The following ERCC4 variants were observed in gnomAD, a reference collection of about 807,000 sequenced individuals.
ERCC4 encodes ERCC excision repair 4, endonuclease catalytic subunit.
In ERCC4, 65 loss-of-function variants were observed where a neutral mutation model predicts 76.9. The observed-to-expected ratio is 0.84, with a 90% CI of 0.69 to 1.04. The LOEUF (loss-of-function observed/expected upper bound fraction) is 1.04, where lower values mean the gene tolerates loss of function less well. Among genes scored for constraint, ERCC4 ranks in the 50% least tolerant of loss-of-function variants. ERCC4 has a pLI of 0.00. For synonymous variants in ERCC4, 463 were observed against 410.1 expected, an observed-to-expected ratio of 1.13 and a Z score of -1.56; for missense variants, 1,214 against 1,128.2, an observed-to-expected ratio of 1.08 and a Z score of -1.09.
At chr16:13,943,085 AATAAT>A (rs1369749481) in intron 9 of ERCC4, among the ~76,000 whole-genome samples, 2 of 152,138 alleles carry the variant, frequency 1.3e-5, no homozygotes, top group Non-Finnish European at 2.9e-5. Flanking sequence ...AATTTGTACT[AATAAT>A]ATATTTGCAT....
rs113614955 is a variant in ERCC4, at chr16:13,922,920, T to C, written c.388+709T>C. The stretch of plus-strand genomic sequence containing the variant: ...GTTTTCTAAGCTCTTATTCAGTAAA[T>C]ACTTGCAATTCGTTAGCATTTGCTT... On this transcript the variant is annotated intron_variant, in intron 2 of 10. Coordinates refer to ENST00000311895, the MANE Select transcript of ERCC4 (RefSeq NM_005236.3). Among the ~76,000 whole-genome samples the C allele has an allele frequency of 7.5e-3, 1,140 of 152,350 alleles. 13 individuals are homozygous for C. The highest frequency in any genetic ancestry group is 0.024 in the African/African-American group (984 of 41,596).
At chr16:13,935,043 A>G in intron 7 of ERCC4, 103 bp from the exon 8 acceptor site, 2 of 892,122 alleles carry the variant, frequency 2.2e-6, no homozygotes, top group South Asian at 1.3e-5. Flanking sequence ...CTTTAATACC[A>G]AAGGGTAAGA....
intron 2 of ERCC4, among the ~76,000 whole-genome samples, chr16:13,925,106 A>G (rs1467410239): frequency 3.3e-5 from 5 of 152,226 alleles, no homozygotes; most frequent in Non-Finnish European, 5.9e-5. Context: ...CCTTGGTCTC[A>G]TCATGATACC....
intron 2 of ERCC4, among the ~76,000 whole-genome samples, chr16:13,924,734 T>C (rs1172545520): frequency 1.3e-5 from 2 of 152,218 alleles, no homozygotes; most frequent in African/African-American, 4.8e-5. Flanking sequence ...TGAAATGAAA[T>C]GCTTATATGT....
At chr16:13,938,257 C>T (rs950411678) in intron 9 of ERCC4, among the ~76,000 whole-genome samples, 1 of 152,074 alleles carries the variant, frequency 6.6e-6, no homozygotes. Context: ...GCTGCTTTAC[C>T]GTTTATTGGG....
chr16:13,946,442 T>C (rs562534524), intron 10 of ERCC4, among the ~76,000 whole-genome samples: 1 of 152,244 alleles, frequency 6.6e-6, no homozygotes, highest in African/African-American at 2.4e-5. Context: ...TATTTGTGTA[T>C]GTAAACACAT....
At chr16:13,923,819 C>T (rs1486916312) in intron 2 of ERCC4, among the ~76,000 whole-genome samples, 2 of 152,128 alleles carry the variant, frequency 1.3e-5, no homozygotes, top group Non-Finnish European at 2.9e-5. Flanking sequence ...CTGTTTGCTG[C>T]TTTCTTATAA....
In ERCC4 at chr16:13,947,661, C is replaced by A. The variant is rs149364215; in HGVS notation, c.2065C>A (p.Arg689Ser). 3 of 1,614,148 alleles carry A rather than the reference C, an allele frequency of 1.9e-6. No individual in the cohort carries two copies. Among genetic ancestry groups the A allele is most frequent in the Non-Finnish European group, 2.5e-6 (3 of 1,179,992 alleles). The change falls in exon 11 of 11, where the codon CGT becomes AGT. Residue 689 changes from arginine (R) to serine (S), a missense_variant. Arg to Ser is a moderately radical substitution (Grantham distance 110). Transcript: ENST00000311895. ...ACAGCAAAGCATAGTTGTGGATATG[C>A]GTGAATTTCGAAGTGAGCTTCCATC... ...GTQQSIVVDMREFRSELPSLI... is the reference protein window; with the variant it reads ...GTQQSIVVDMSEFRSELPSLI...
chr16:13,920,917 G>C (rs1016254343), intron 1 of ERCC4, among the ~76,000 whole-genome samples: 3 of 152,188 alleles, frequency 2.0e-5, no homozygotes, highest in Non-Finnish European at 4.4e-5. Context: ...GAAGGATGCA[G>C]GTCCCTGACA....
chr16:13,946,439 G>T (rs139265365), intron 10 of ERCC4, among the ~76,000 whole-genome samples: 1 of 152,194 alleles, frequency 6.6e-6, no homozygotes, highest in Admixed American at 6.5e-5. Flanking sequence ...AAGTATTTGT[G>T]TATGTAAACA....
chr16:13,937,964 G>GGA, intron 9 of ERCC4, 106 bp downstream of exon 9: 1 of 759,634 alleles, frequency 1.3e-6, no homozygotes. Flanking sequence ...GGAAGACGTT[G>GGA]GAGAGGATCA....
At position 13,935,311 on chromosome 16, in the gene ERCC4, A is replaced by T. The variant is rs761301503; in HGVS notation, c.1379A>T (p.Lys460Met). The T allele has an allele frequency of 1.3e-5, 21 of 1,614,002 alleles. No individual in the cohort carries two copies. Among genetic ancestry groups the T allele is most frequent in the Non-Finnish European group, 9.3e-6 (11 of 1,180,024 alleles). Residue 460 changes from lysine to methionine, a missense_variant, in exon 8 of 11, where the codon AAG becomes ATG. Physicochemically the swap from Lys to Met is moderately conservative, Grantham distance 95. Coordinates refer to ENST00000311895, the MANE Select transcript of ERCC4 (RefSeq NM_005236.3). ...WMKFRKEDSSKRIRKSHKRPK... is the reference protein window; with the variant it reads ...WMKFRKEDSSMRIRKSHKRPK... ...AAATTTAGGAAGGAAGACAGTTCAA[A>T]GAGAATTAGGAAATCTCACAAAAGA...
rs1014546174 is a variant in ERCC4 at position 13,922,071 on chromosome 16, A to G, written c.248A>G (p.His83Arg). 7 of 1,613,744 alleles carry G rather than the reference A, an allele frequency of 4.3e-6. No homozygotes were observed. The highest frequency in any genetic ancestry group is 5.9e-6 in the Non-Finnish European group (7 of 1,179,804). ...INQLKIEGVE[H>R]LPRRVTNEIT... ...CAGCTGAAGATAGAAGGAGTTGAAC[A>G]CCTCCCTCGCCGTGTAACAAATGAA... is the stretch of plus-strand genomic sequence containing the variant. The change falls in exon 2 of 11, where the codon CAC becomes CGC. Residue 83 changes from histidine to arginine, a missense_variant. Coordinates refer to ENST00000311895, the MANE Select transcript of ERCC4 (RefSeq NM_005236.3).
intron 1 of ERCC4, among the ~76,000 whole-genome samples, chr16:13,921,170 A>G (rs2031968006): frequency 6.6e-6 from 1 of 152,146 alleles, no homozygotes; most frequent in Non-Finnish European, 1.5e-5. Flanking sequence ...GGCGCTGGAA[A>G]AACCCCAATA....
Position 13,948,042 on chromosome 16 carries a change from C to T in ERCC4, c.2446C>T (p.Leu816=), listed in dbSNP as rs2141620823. The part of the protein sequence containing the change: ...PHATAELFEE[L]KQSKPQPDAA... ...TGCAACGGCGGAGTTGTTTGAGGAG[C>T]TGAAACAAAGCAAGCCACAGCCTGA... The change falls in exon 11 of 11, where the codon CTG becomes TTG. Residue 816 remains leucine, a synonymous_variant. Transcript: ENST00000311895. The T allele has an allele frequency of 6.2e-7, 1 of 1,614,154 alleles. No individual in the cohort carries two copies. The highest frequency in any genetic ancestry group is 8.5e-7 in the Non-Finnish European group (1 of 1,180,034).
intron 7 of ERCC4, 185 bp from the exon 8 acceptor site, chr16:13,934,961 A>G (rs1395930520): frequency 1.8e-6 from 1 of 569,690 alleles, no homozygotes; most frequent in Non-Finnish European, 3.1e-6. Context: ...AGATTTAAGT[A>G]ATCTTGCCAG....
Position 13,932,261 on chromosome 16 carries a change from A to G in ERCC4, c.1078A>G (p.Lys360Glu). The G allele has an allele frequency of 1.9e-6, 3 of 1,611,400 alleles. No individual in the cohort carries two copies. Among genetic ancestry groups the G allele is most frequent in the Non-Finnish European group, 1.7e-6 (2 of 1,177,962 alleles). ...KMSKKEKISE[K>E]MEIKEGEETK... ...GAGTAAAAAAGAAAAAATATCTGAA[A>G]AAATGGAAATTAAAGAAGGGGAAGG... is the stretch of plus-strand genomic sequence containing the variant. The change falls in exon 6 of 11, where the codon AAA becomes GAA. Residue 360 changes from lysine (K) to glutamate (E), a missense_variant. Transcript: ENST00000311895.
rs760175182 is a variant in ERCC4, at chr16:13,948,385, T to G, written c.*38T>G. 3.7e-6 allele frequency: 6 copies of G among 1,601,002 alleles called. No homozygotes were observed. In the African/African-American group the frequency reaches 8.0e-5, roughly 21 times the overall value. ...GTTTTCTTATCCCATGCCTGTACTT[T>G]TCAGCGGCTCCTTGCCAGACATCAT... On this transcript the variant is annotated 3_prime_UTR_variant, in exon 11 of 11. Transcript: ENST00000311895.
intron 5 of ERCC4, 181 bp downstream of exon 5, chr16:13,931,071 C>T (rs1278141421): frequency 6.4e-6 from 4 of 622,286 alleles, no homozygotes; most frequent in Non-Finnish European, 1.1e-5. Flanking sequence ...TTTCCGCCTA[C>T]TTAACGTCTG....
Sources: allele counts gnomAD v4.1 joint callset (sites outside exome capture counted in the v4.1 genomes callset), GRCh38; gene constraint gnomAD v4.1.1; transcripts MANE v1.5; gene names NCBI Gene and HGNC (gene_info 2026-07-23, HGNC 2026-07-21).